The following CLEC7A variants were observed in gnomAD, a reference collection of about 807,000 sequenced individuals.
The protein encoded by CLEC7A is C-type lectin domain containing 7A, also known as C-type lectin domain family 7 member A.
In CLEC7A, 25 loss-of-function variants were observed where a neutral mutation model predicts 26.9. That is an observed-to-expected ratio of 0.93 (90% CI 0.68 to 1.30). The LOEUF is 1.30. Among genes scored for constraint, CLEC7A ranks in the 50% most tolerant of loss-of-function variants. The pLI, the probability that CLEC7A is intolerant of heterozygous loss-of-function variation, is 0.00. For synonymous variants in CLEC7A, 100 were observed against 99.5 expected, an observed-to-expected ratio of 1.01 and a Z score of -0.03; for missense variants, 275 against 286.7, an observed-to-expected ratio of 0.96 and a Z score of 0.29.
chr12:10,127,257 A>G, intron 2 of CLEC7A: 1 of 1,414,236 alleles, frequency 7.1e-7, no homozygotes, highest in Non-Finnish European at 9.6e-7. Context: ...TTTCTGGTGT[A>G]TTCAAAGGTG....
chr12:10,119,042 C>A (rs183844090), intron 5 of CLEC7A, among the ~76,000 whole-genome samples: 20 of 152,170 alleles, frequency 1.3e-4, no homozygotes, highest in Admixed American at 8.5e-4. Flanking sequence ...GATGCCCAGG[C>A]CATTTAAAGG....
intron 4 of CLEC7A, 81 bp downstream of exon 4, chr12:10,125,207 TTTTAGGAAA>T: frequency 8.5e-7 from 1 of 1,181,440 alleles, no homozygotes; most frequent in Non-Finnish European, 1.2e-6. Context: ...AAAGACTTCA[TTTTAGGAAA>T]AATTGTCATT....
chr12:10,126,504 C>G (rs1428806138), intron 3 of CLEC7A, 67 bp downstream of exon 3: 24 of 1,514,132 alleles, frequency 1.6e-5, no homozygotes, highest in Non-Finnish European at 2.1e-5. Context: ...TACACCCCTG[C>G]CCCAGGCTTC....
chr12:10,123,832 A>ATGTC (rs1211057507), intron 4 of CLEC7A, among the ~76,000 whole-genome samples: 1 of 151,962 alleles, frequency 6.6e-6, no homozygotes, highest in East Asian at 1.9e-4. Context: ...CAATTTTTGA[A>ATGTC]TGTCATTGAA....
chr12:10,120,502 A>G (rs1170500592), intron 5 of CLEC7A, among the ~76,000 whole-genome samples: 1 of 152,206 alleles, frequency 6.6e-6, no homozygotes, highest in Non-Finnish European at 1.5e-5. Flanking sequence ...GAAGAAAGAA[A>G]TAAACAACTA....
chr12:10,130,094 GC>G lies in CLEC7A; in HGVS notation c.-13del. The G allele has an allele frequency of 2.3e-6, 3 of 1,322,288 alleles. No individual in the cohort carries two copies. The highest frequency in any genetic ancestry group is 3.4e-5 in the Admixed American group (2 of 58,686). The allele number at this position is 1,322,288 out of a possible 1,614,324, so 81.9% of individuals were successfully genotyped here. On this transcript the variant is annotated 5_prime_UTR_variant, in exon 1 of 6. Transcript: ENST00000304084. The stretch of plus-strand genomic sequence containing the variant: ...GGATGATATTCCATTGTTCTTGAGA[GC>G]CCCTGAATAGATATAGCATTTGGGA...
intron 4 of CLEC7A, 67 bp downstream of exon 4, chr12:10,125,230 T>C (rs1297927594): frequency 4.5e-6 from 6 of 1,333,320 alleles, no homozygotes; most frequent in Non-Finnish European, 6.3e-6. Context: ...TGTCATTACC[T>C]GGAATCTCCC....
intron 5 of CLEC7A, among the ~76,000 whole-genome samples, chr12:10,120,567 G>A (rs12829123): frequency 0.43 from 64,359 of 150,912 alleles, 16,620 homozygotes; most frequent in Middle Eastern, 0.71. Flanking sequence ...AAATCTGTGC[G>A]CCACCTTGTC....
chr12:10,123,484 G>C, intron 4 of CLEC7A, 121 bp from the exon 5 acceptor site: 3 of 698,170 alleles, frequency 4.3e-6, no homozygotes, highest in Non-Finnish European at 7.3e-6. Context: ...ATGCAAGGCC[G>C]GGCGCGGTGG....
At chr12:10,128,207 A>AACAC (rs71860807) in intron 1 of CLEC7A, among the ~76,000 whole-genome samples, 4,058 of 132,756 alleles carry the variant, frequency 0.031, 102 homozygotes, top group African/African-American at 0.078. Context: ...ACCCTGTTAA[A>AACAC]ACACACACAC....
chr12:10,126,670 T>G lies in CLEC7A; in HGVS notation c.241A>C (p.Asn81His). The G allele has an allele frequency of 6.2e-7, 1 of 1,612,920 alleles. No homozygotes were observed. Among genetic ancestry groups the G allele is most frequent in the Non-Finnish European group, 8.5e-7 (1 of 1,179,536 alleles). ...RSNSGSNTLENGYFLSRNKEN... is the reference protein window; with the variant it reads ...RSNSGSNTLEHGYFLSRNKEN... ...TTATTTCTTGATAGAAAGTAGCCAT[T>G]CTCCAATGTGTTGCTTCCTGAATTG... Residue 81 changes from asparagine (N) to histidine (H), a missense_variant, in exon 3 of 6, where the codon AAT (asparagine) becomes CAT (histidine). By Grantham distance (68) the Asn-to-His change is moderately conservative. Transcript: ENST00000304084.
chr12:10,121,123 C>G (rs894547414), intron 5 of CLEC7A, among the ~76,000 whole-genome samples: 23 of 151,638 alleles, frequency 1.5e-4, no homozygotes, highest in African/African-American at 5.5e-4. Flanking sequence ...AAGGAATGCT[C>G]TATGATTTTT....
intron 3 of CLEC7A, chr12:10,126,295 A>T (rs543692793): frequency 1.0e-6 from 1 of 983,278 alleles, no homozygotes; most frequent in East Asian, 1.1e-4. Context: ...TCTCCTGTAG[A>T]TCTAAGCACA....
intron 3 of CLEC7A, chr12:10,126,242 A>T (rs574012082): frequency 1.0e-6 from 1 of 980,002 alleles, no homozygotes; most frequent in Non-Finnish European, 1.2e-6. Flanking sequence ...CAATTCTGTA[A>T]GGGGAGAGAA....
intron 5 of CLEC7A, among the ~76,000 whole-genome samples, chr12:10,122,629 G>C (rs868280849): frequency 3.3e-5 from 5 of 151,992 alleles, no homozygotes; most frequent in East Asian, 1.9e-4. Flanking sequence ...CTCCTGAGTA[G>C]CTGGGATTTC....
chr12:10,123,956 C>T (rs1257439573), intron 4 of CLEC7A, among the ~76,000 whole-genome samples: 1 of 152,104 alleles, frequency 6.6e-6, no homozygotes, highest in African/African-American at 2.4e-5. Flanking sequence ...TGACAAAATC[C>T]CAGATGACAG....
At chr12:10,123,406 G>A (rs1463106999) in intron 4 of CLEC7A, 43 bp from the exon 5 acceptor site, 5 of 1,119,858 alleles carry the variant, frequency 4.5e-6, no homozygotes, top group Non-Finnish European at 5.4e-6. Context: ...GAGAGAGAGA[G>A]AGAGAGAAAG....
Position 10,125,315 on chromosome 12 carries a change from T to C in CLEC7A, c.474A>G (p.Ile158Met), listed in dbSNP as rs1346068120. The C allele has an allele frequency of 6.2e-7, 1 of 1,613,762 alleles. No homozygotes were observed. Among genetic ancestry groups the C allele is most frequent in the Non-Finnish European group, 8.5e-7 (1 of 1,179,892 alleles). ...CWQLGSNLLK[I>M]DSSNELGFIV... is the part of the protein sequence containing the mutation. The stretch of plus-strand genomic sequence containing the variant: ...CACTTACCAATTCATTTGAGCTGTC[T>C]ATCTTTAGGAGATTAGAGCCCAGTT... Residue 158 changes from isoleucine (I) to methionine (M), a missense_variant, in exon 4 of 6, where the codon ATA becomes ATG. Coordinates refer to ENST00000304084, the MANE Select transcript of CLEC7A (RefSeq NM_197947.3).
rs923044465 is a variant in CLEC7A, at chr12:10,117,674, A to C, written c.*784T>G. 1 of 152,192 alleles carries C rather than the reference A, an allele frequency of 6.6e-6. No homozygotes were observed. The highest frequency in any genetic ancestry group is 2.4e-5 in the African/African-American group (1 of 41,440). 9.4% of individuals were successfully genotyped at this position (152,192 alleles called of 1,614,324 possible). ...TATGATCATACTGATGAAAATAATA[A>C]AATTGCTCTGACTGTGGTGAAGATT... On this transcript the variant is annotated 3_prime_UTR_variant, in exon 6 of 6. Coordinates refer to ENST00000304084, the MANE Select transcript of CLEC7A (RefSeq NM_197947.3).
Sources: gnomAD v4.1 joint callset for allele counts (sites outside exome capture counted in the v4.1 genomes callset) on GRCh38, gnomAD v4.1.1 for gene constraint, MANE v1.5 for transcripts, NCBI Gene and HGNC (gene_info 2026-07-23, HGNC 2026-07-21) for gene names.